SLC14A2: variants seen among roughly 807,000 people sequenced by gnomAD.
SLC14A2 encodes solute carrier family 14 member 2.
A neutral mutation model predicts 104.6 loss-of-function variants in SLC14A2; 91 were observed. That is an observed-to-expected ratio of 0.87 (90% CI 0.73 to 1.04). The LOEUF (loss-of-function observed/expected upper bound fraction) is 1.04. SLC14A2 is among the 50% of genes least tolerant of loss of function. The probability of loss-of-function intolerance (pLI) is 0.00; values close to 1 mark genes in which losing one functional copy is unlikely to be tolerated. For missense variants in SLC14A2, 1,189 were observed against 1,156.0 expected, an observed-to-expected ratio of 1.03 and a Z score of -0.41; for synonymous variants, 476 against 466.4, an observed-to-expected ratio of 1.02 and a Z score of -0.27.
rs2046056819 is a variant in SLC14A2 at position 45,667,914 on chromosome 18, G to T, written c.1799G>T (p.Gly600Val). The T allele has an allele frequency of 6.2e-7, 1 of 1,614,058 alleles. No individual in the cohort carries two copies. Residue 600 changes from glycine (G) to valine (V), a missense_variant, in exon 14 of 20, where the codon GGC becomes GTC. Physicochemically the swap from Gly to Val is moderately radical, Grantham distance 109 (BLOSUM62 -3). Transcript: ENST00000255226. ...ATGTTTGTGAACAACCCCCTCAGCG[G>T]CATCCTCATCATCCTCGGCCTCTTC... Reference protein sequence around the residue: ...QVMFVNNPLSGILIILGLFIQ... With the variant: ...QVMFVNNPLSVILIILGLFIQ...
intron 1 of SLC14A2, among the ~76,000 whole-genome samples, chr18:45,272,556 C>G (rs2084661471): frequency 6.6e-6 from 1 of 151,770 alleles, no homozygotes; most frequent in African/African-American, 2.4e-5. Context: ...GTAGTAGTAC[C>G]CTTCTAGTTT....
intron 1 of SLC14A2, among the ~76,000 whole-genome samples, chr18:45,242,858 T>C (rs998210741): frequency 2.6e-5 from 4 of 152,174 alleles, no homozygotes; most frequent in Admixed American, 1.3e-4. Flanking sequence ...CAGGGAAGCA[T>C]GGGGTGGTGT....
At chr18:45,185,429 G>A in the SLC14A2 span, among the ~76,000 whole-genome samples, 1 of 152,120 alleles carries the variant, frequency 6.6e-6, no homozygotes, top group African/African-American at 2.4e-5. Flanking sequence ...GGTTACCTCC[G>A]AGGAGCCTGG....
At position 45,682,366 on chromosome 18, in the gene SLC14A2, C is replaced by T. The variant is rs1189032378; in HGVS notation, c.2610C>T (p.Thr870=). ...GGCCCTTCTGTCTCTCAGCTCTCAC[C>T]TTCCTGCTCCTGACGACCAATAACC... ...CTWPFCLSAL[T]FLLLTTNNPA... The change falls in exon 20 of 20, where the codon ACC becomes ACT. Residue 870 remains threonine (T), a synonymous_variant. Transcript: ENST00000255226. The T allele has an allele frequency of 5.0e-6, 8 of 1,614,176 alleles. No homozygotes were observed. In the South Asian group the frequency reaches 6.6e-5, roughly 13 times the overall value.
chr18:45,639,783 A>G lies in SLC14A2; in HGVS notation c.881A>G (p.Tyr294Cys), dbSNP rs770345391. ...QAIPVGVGQV[Y>C]GCDNPWTGGV... is the part of the protein sequence containing the mutation. ...ATCCCTGTTGGGGTCGGCCAGGTGTATGGCTGTGACAATCCCTGGACAGGC... is the reference window on the plus strand; with the variant it reads ...ATCCCTGTTGGGGTCGGCCAGGTGTGTGGCTGTGACAATCCCTGGACAGGC... Residue 294 changes from tyrosine (Y) to cysteine (C), a missense_variant, in exon 7 of 20, where the codon TAT becomes TGT. Tyr to Cys is a radical substitution (Grantham distance 194, BLOSUM62 -2). Coordinates refer to ENST00000255226, the MANE Select transcript of SLC14A2 (RefSeq NM_007163.4). The G allele has an allele frequency of 2.5e-5, 41 of 1,613,980 alleles. No homozygotes were observed. The highest frequency in any genetic ancestry group is 3.4e-5 in the Non-Finnish European group (40 of 1,179,994).
At chr18:45,256,149 A>G (rs932817861) in intron 1 of SLC14A2, among the ~76,000 whole-genome samples, 1 of 152,126 alleles carries the variant, frequency 6.6e-6, no homozygotes, top group Non-Finnish European at 1.5e-5. Context: ...GACTGGTGGT[A>G]CCTTTTATCT....
intron 1 of SLC14A2, among the ~76,000 whole-genome samples, chr18:45,441,359 C>T (rs537687094): frequency 1.6e-4 from 25 of 152,280 alleles, no homozygotes; most frequent in African/African-American, 5.8e-4. Context: ...TCCAAACGGG[C>T]TGCCATTTCT....
At chr18:45,467,201 C>A (rs2087159901) in intron 1 of SLC14A2, among the ~76,000 whole-genome samples, 1 of 152,156 alleles carries the variant, frequency 6.6e-6, no homozygotes, top group Non-Finnish European at 1.5e-5. Context: ...ATTAACAGAT[C>A]AAACTGGCTC....
chr18:45,470,197 T>G (rs988141285), intron 1 of SLC14A2, among the ~76,000 whole-genome samples: 1 of 152,236 alleles, frequency 6.6e-6, no homozygotes, highest in South Asian at 2.1e-4. Context: ...CAATAAAGTT[T>G]CTATCTTTGT....
chr18:45,543,597 A>G (rs2144863831), intron 2 of SLC14A2, among the ~76,000 whole-genome samples: 1 of 152,302 alleles, frequency 6.6e-6, no homozygotes, highest in South Asian at 2.1e-4. Context: ...ATTTGAAAAG[A>G]GCTTGTTTTG....
At position 45,487,741 on chromosome 18, in the gene SLC14A2, G is replaced by C. The variant is rs572046002; in HGVS notation, c.-35+4419G>C. The stretch of plus-strand genomic sequence containing the variant: ...CATCACAAGGTCCAGCTGACCCCTT[G>C]GGGATACCTAAAATGGGATGGCCTC... On this transcript the variant is annotated intron_variant, in intron 2 of 20. Coordinates refer to the SLC14A2 transcript ENST00000586448. Among the ~76,000 whole-genome samples the C allele has an allele frequency of 6.6e-5, 10 of 152,266 alleles. No individual in the cohort carries two copies. In the East Asian group the frequency reaches 1.4e-3, roughly 21 times the overall value.
intron 2 of SLC14A2, among the ~76,000 whole-genome samples, chr18:45,487,749 C>A (rs1291642316): frequency 6.6e-6 from 1 of 152,080 alleles, no homozygotes; most frequent in Non-Finnish European, 1.5e-5. Context: ...TTGGGGATAC[C>A]TAAAATGGGA....
chr18:45,227,368 A>G (rs1468020341), intron 1 of SLC14A2, among the ~76,000 whole-genome samples: 1 of 152,224 alleles, frequency 6.6e-6, no homozygotes, highest in Non-Finnish European at 1.5e-5. Context: ...TTGTGCTGTT[A>G]TAACAGAATA....
chr18:45,493,284 T>G lies in SLC14A2; in HGVS notation c.-35+9962T>G, dbSNP rs373633950. ...AGCCCTTTCTGCAAGTAAAAACATA[T>G]GTGAAACCCCAACATGATGGATAAA... is the stretch of plus-strand genomic sequence containing the variant. On this transcript the variant is annotated intron_variant, in intron 2 of 20. Transcript: ENST00000586448. 9 of 152,200 alleles carry G rather than the reference T, an allele frequency of 5.9e-5. No homozygotes were observed. The East Asian group carries it at 1.7e-3, about 29-fold the overall frequency. The allele number at this position is 152,200 out of a possible 1,614,324, so 9.4% of individuals were successfully genotyped here.
chr18:45,285,694 G>C (rs1476362902), intron 1 of SLC14A2, among the ~76,000 whole-genome samples: 20 of 149,398 alleles, frequency 1.3e-4, no homozygotes, highest in Non-Finnish European at 1.5e-5. Context: ...CAAAGTGCTG[G>C]GATTACAGAC....
chr18:45,431,803 C>G (rs1434098824), intron 1 of SLC14A2, among the ~76,000 whole-genome samples: 1 of 152,258 alleles, frequency 6.6e-6, no homozygotes, highest in African/African-American at 2.4e-5. Flanking sequence ...TGCAAGGGGC[C>G]CATGGTAGCC....
At chr18:45,329,597 C>T (rs1039801284) in intron 1 of SLC14A2, among the ~76,000 whole-genome samples, 5 of 152,174 alleles carry the variant, frequency 3.3e-5, no homozygotes, top group African/African-American at 1.2e-4. Flanking sequence ...TTTTTCCCCA[C>T]TTTTTCTCAA....
intron 2 of SLC14A2, among the ~76,000 whole-genome samples, chr18:45,496,210 A>G (rs1046848909): frequency 4.6e-5 from 7 of 152,370 alleles, no homozygotes; most frequent in African/African-American, 1.4e-4. Context: ...CTATGAAAGA[A>G]GTATCATCTT....
At chr18:45,521,261 ACTGAG>A (rs547719611) in intron 2 of SLC14A2, among the ~76,000 whole-genome samples, 30 of 152,346 alleles carry the variant, frequency 2.0e-4, no homozygotes, top group Middle Eastern at 3.4e-3. Flanking sequence ...TGTGCTAGGC[ACTGAG>A]TCCGACAGGG....
Sources: gnomAD v4.1 joint callset for allele counts (sites outside exome capture counted in the v4.1 genomes callset) on GRCh38, gnomAD v4.1.1 for gene constraint, MANE v1.5 for transcripts, NCBI Gene and HGNC (gene_info 2026-07-23, HGNC 2026-07-21) for gene names.